Variants in COG2 observed in about 807,000 individuals in gnomAD.
COG2 encodes the protein component of oligomeric golgi complex 2.
In COG2, 52 loss-of-function variants were observed where a neutral mutation model predicts 90.6. The ratio of observed to expected loss-of-function variants is 0.57; its 90% confidence interval spans 0.46 to 0.72. The LOEUF is 0.72. Ranked by LOEUF, COG2 falls within the 30% of genes least tolerant of loss-of-function variation. The pLI is 0.00. For missense variants in COG2, 829 were observed against 891.2 expected, an observed-to-expected ratio of 0.93 and a Z score of 0.89; for synonymous variants, 337 against 320.4, an observed-to-expected ratio of 1.05 and a Z score of -0.55.
chr1:230,674,873 G>A (rs530509159), intron 8 of COG2, 125 bp from the exon 9 acceptor site: 56 of 704,508 alleles, frequency 7.9e-5, no homozygotes, highest in African/African-American at 7.9e-4. Flanking sequence ...TTACAAATAC[G>A]GTTTTTTTAA....
chr1:230,669,271 T>TA, intron 6 of COG2, 85 bp from the exon 7 acceptor site: 5 of 1,253,822 alleles, frequency 4.0e-6, no homozygotes, highest in Non-Finnish European at 1.1e-6. Context: ...TCTGTTGGTG[T>TA]AAGAGGCTTG....
At chr1:230,691,651 G>C in intron 17 of COG2, 87 bp downstream of exon 17, 1 of 1,268,500 alleles carries the variant, frequency 7.9e-7, no homozygotes, top group Non-Finnish European at 1.1e-6. Context: ...CGTGATCCCA[G>C]AGATGCTGTC....
intron 1 of COG2, among the ~76,000 whole-genome samples, chr1:230,656,171 CT>C (rs1452763728): frequency 6.6e-5 from 10 of 151,972 alleles, no homozygotes; most frequent in African/African-American, 2.4e-4. Flanking sequence ...TCTGCTGTTG[CT>C]TCTCCAGTTC....
chr1:230,645,650 T>C (rs1247413827), intron 1 of COG2, among the ~76,000 whole-genome samples: 1 of 152,202 alleles, frequency 6.6e-6, no homozygotes, highest in Non-Finnish European at 1.5e-5. Context: ...TACACTTTAT[T>C]TCTATAATTA....
intron 1 of COG2, among the ~76,000 whole-genome samples, chr1:230,646,584 G>A (rs996393571): frequency 6.6e-6 from 1 of 151,850 alleles, no homozygotes; most frequent in Non-Finnish European, 1.5e-5. Context: ...CATACTTCTG[G>A]CCCAAATACC....
chr1:230,672,812 T>G (rs926438062), intron 8 of COG2, among the ~76,000 whole-genome samples: 5 of 152,298 alleles, frequency 3.3e-5, no homozygotes, highest in African/African-American at 1.2e-4. Context: ...TTCCCCTGCC[T>G]CTTGACACAG....
chr1:230,653,732 C>A (rs932179668), intron 1 of COG2, among the ~76,000 whole-genome samples: 2 of 152,062 alleles, frequency 1.3e-5, no homozygotes, highest in Admixed American at 6.5e-5. Flanking sequence ...TTGGGAAGTT[C>A]AAGATCAAGA....
chr1:230,691,316 G>A (rs1464560275), intron 16 of COG2, 68 bp from the exon 17 acceptor site: 2 of 1,377,230 alleles, frequency 1.5e-6, no homozygotes, highest in South Asian at 1.6e-5. Context: ...GGTCCACAAA[G>A]CCAGTTACTC....
At chr1:230,680,623 G>A (rs1420468817) in intron 10 of COG2, 3 of 152,128 alleles carry the variant, frequency 2.0e-5, no homozygotes, top group Admixed American at 6.5e-5. Flanking sequence ...CCAGATTTCA[G>A]CCTTAAGCCT....
Position 230,667,505 on chromosome 1 carries a change from G to C in COG2, c.486-1171G>C, listed in dbSNP as rs537800154. ...CTTTGAGGAGCTTTTCTTAAATTCAGATCTGCAAATTTGAGCTGTAGTGAA... is the reference window on the plus strand; with the variant it reads ...CTTTGAGGAGCTTTTCTTAAATTCACATCTGCAAATTTGAGCTGTAGTGAA... On this transcript the variant is annotated intron_variant, in intron 5 of 17. Transcript: ENST00000366669. Among the ~76,000 whole-genome samples the C allele has an allele frequency of 3.3e-5, 5 of 152,238 alleles. No individual in the cohort carries two copies. In the South Asian group the frequency reaches 1.0e-3, roughly 32 times the overall value.
At chr1:230,664,914 A>G (rs1662281847) in intron 5 of COG2, among the ~76,000 whole-genome samples, 1 of 152,206 alleles carries the variant, frequency 6.6e-6, no homozygotes. Flanking sequence ...GTGGAATAGC[A>G]GTCATCTTAT....
intron 3 of COG2, 63 bp downstream of exon 3, chr1:230,660,886 C>CAA: frequency 8.7e-7 from 1 of 1,145,010 alleles, no homozygotes; most frequent in Non-Finnish European, 1.2e-6. Context: ...TTTGCCCTTC[C>CAA]AAAAAAAAAT....
chr1:230,693,540 T>G lies in COG2; in HGVS notation c.*147T>G. 1 of 530,660 alleles carries G rather than the reference T, an allele frequency of 1.9e-6. No individual in the cohort carries two copies. Among genetic ancestry groups the G allele is most frequent in the Non-Finnish European group, 3.4e-6 (1 of 294,266 alleles). The allele number at this position is 530,660 out of a possible 1,614,324, so 32.9% of individuals were successfully genotyped here. On this transcript the variant is annotated 3_prime_UTR_variant, in exon 18 of 18. Coordinates refer to ENST00000366669, the MANE Select transcript of COG2 (RefSeq NM_007357.3). ...ATCACTCCAGCAACACGCCCATGCG[T>G]CTTCTCTCAGCGTATTTGGGTCTTC...
intron 13 of COG2, among the ~76,000 whole-genome samples, chr1:230,687,683 A>G (rs1368688331): frequency 1.3e-5 from 2 of 149,100 alleles, no homozygotes; most frequent in Non-Finnish European, 3.0e-5. Flanking sequence ...GTCCTCTGAT[A>G]CACAATTCTG....
chr1:230,659,278 TG>T (rs1662128842), intron 1 of COG2, among the ~76,000 whole-genome samples, 185 bp from the exon 2 acceptor site: 1 of 152,212 alleles, frequency 6.6e-6, no homozygotes, highest in Non-Finnish European at 1.5e-5. Context: ...CCACCCTTCT[TG>T]GCACCTTTAT....
chr1:230,669,261 T>G, intron 6 of COG2, 95 bp from the exon 7 acceptor site: 1 of 1,079,954 alleles, frequency 9.3e-7, no homozygotes, highest in Non-Finnish European at 1.3e-6. Context: ...TATGTCATTA[T>G]CTGTTGGTGT....
In COG2 at chr1:230,669,027, C is replaced by T. The variant is rs2281951; in HGVS notation, c.594+243C>T. On this transcript the variant is annotated intron_variant, in intron 6 of 17. Transcript: ENST00000366669. ...TTCTGAATTTCATGGAATTGGACAT[C>T]TTATATGATGTAGACAATTAATTTA... 78,834 of 458,186 alleles carry T rather than the reference C, an allele frequency of 0.17. 7,124 individuals are homozygous for T. The highest frequency in any genetic ancestry group is 0.2 in the Admixed American group (5,200 of 25,608). The allele number at this position is 458,186 out of a possible 1,614,324, so 28.4% of individuals were successfully genotyped here. A position where few individuals can be genotyped will look rare whatever the true frequency, so the allele number is the denominator to read the frequency against.
intron 16 of COG2, among the ~76,000 whole-genome samples, chr1:230,690,608 C>T (rs3789656): frequency 6.6e-6 from 1 of 152,206 alleles, no homozygotes; most frequent in Non-Finnish European, 1.5e-5. Context: ...GACAAGGACT[C>T]GATTCCTAAA....
chr1:230,692,009 T>G (rs889259162), intron 17 of COG2, among the ~76,000 whole-genome samples: 1 of 152,132 alleles, frequency 6.6e-6, no homozygotes, highest in Non-Finnish European at 1.5e-5. Context: ...TTTGTAGCTT[T>G]CCTATAAAAC....
Sources: gnomAD v4.1 joint callset for allele counts (sites outside exome capture counted in the v4.1 genomes callset) on GRCh38, gnomAD v4.1.1 for gene constraint, MANE v1.5 for transcripts, NCBI Gene and HGNC (gene_info 2026-07-23, HGNC 2026-07-21) for gene names.